Variants in CDKAL1 observed in about 807,000 individuals in gnomAD.
CDKAL1 encodes threonylcarbamoyladenosine tRNA methylthiotransferase.
A neutral mutation model predicts 68.2 loss-of-function variants in CDKAL1; 32 were observed. The ratio of observed to expected loss-of-function variants is 0.47; its 90% CI spans 0.35 to 0.63. The LOEUF (loss-of-function observed/expected upper bound fraction) is 0.63, where lower values mean the gene tolerates loss of function less well. CDKAL1 is among the 30% of genes least tolerant of loss of function. The pLI, the probability that CDKAL1 is intolerant of heterozygous loss-of-function variation, is 0.00. For missense variants in CDKAL1, 606 were observed against 696.7 expected, an observed-to-expected ratio of 0.87 and a Z score of 1.47; for synonymous variants, 234 against 244.3, an observed-to-expected ratio of 0.96 and a Z score of 0.39.
chr6:20,913,312 C>CA (rs1218936109), intron 9 of CDKAL1, among the ~76,000 whole-genome samples: 1 of 152,104 alleles, frequency 6.6e-6, no homozygotes, highest in Admixed American at 6.6e-5. Flanking sequence ...GATCTGCTTC[C>CA]AAAATCACTT....
Position 20,605,589 on chromosome 6 carries a change from A to G in CDKAL1, c.287-43704A>G, listed in dbSNP as rs147213441. Among the ~76,000 whole-genome samples, 10 of 152,136 alleles carry G rather than the reference A, an allele frequency of 6.6e-5. No individual in the cohort carries two copies. The East Asian group carries it at 1.7e-3, about 26-fold the overall frequency. On this transcript the variant is annotated intron_variant, in intron 4 of 15. Coordinates refer to ENST00000274695, the MANE Select transcript of CDKAL1 (RefSeq NM_017774.3). ...GGTTGCTGGATATTTTTGTGTTCTT[A>G]TAAATATTTTTGAGCTTTGTTCTGG...
chr6:20,619,826 A>C (rs1767095624), intron 4 of CDKAL1, among the ~76,000 whole-genome samples: 1 of 152,174 alleles, frequency 6.6e-6, no homozygotes, highest in African/African-American at 2.4e-5. Context: ...CATTTGATTA[A>C]ATTAAAATGA....
chr6:21,188,387 C>T (rs1176841097), intron 13 of CDKAL1, among the ~76,000 whole-genome samples: 2 of 152,132 alleles, frequency 1.3e-5, no homozygotes, highest in Non-Finnish European at 2.9e-5. Context: ...ATTTAAGATG[C>T]ACAACCTACT....
chr6:20,656,961 C>T (rs905969999), intron 5 of CDKAL1, among the ~76,000 whole-genome samples: 25 of 152,148 alleles, frequency 1.6e-4, no homozygotes, highest in Admixed American at 8.5e-4. Flanking sequence ...CTTAAACTAA[C>T]ATTTGATTTC....
intron 8 of CDKAL1, among the ~76,000 whole-genome samples, chr6:20,839,460 G>A (rs1410136748): frequency 6.6e-6 from 1 of 152,172 alleles, no homozygotes; most frequent in African/African-American, 2.4e-5. Flanking sequence ...CATTTTAAGT[G>A]TGTTGCTCTG....
intron 8 of CDKAL1, among the ~76,000 whole-genome samples, chr6:20,810,676 TA>T (rs34206478): frequency 0.34 from 48,779 of 142,466 alleles, 8,413 homozygotes; most frequent in East Asian, 0.38. Context: ...AATATATTGC[TA>T]AAAAAAAAAA....
chr6:20,643,562 A>T (rs556728365), intron 4 of CDKAL1, among the ~76,000 whole-genome samples: 17 of 152,274 alleles, frequency 1.1e-4, no homozygotes, highest in Non-Finnish European at 1.9e-4. Flanking sequence ...TAAGGGGGTA[A>T]GCCATGTGGA....
intron 8 of CDKAL1, among the ~76,000 whole-genome samples, chr6:20,813,796 GTATATCTCCCTTTACAC>G (rs1386262116): frequency 9.2e-5 from 14 of 152,058 alleles, no homozygotes; most frequent in Non-Finnish European, 1.5e-4. Context: ...CCATTGTTCT[GTATATCTCCCTTTACAC>G]TAGTTTCACA....
At chr6:20,969,973 G>A (rs1007008046) in intron 10 of CDKAL1, among the ~76,000 whole-genome samples, 2 of 135,934 alleles carry the variant, frequency 1.5e-5, no homozygotes, top group Non-Finnish European at 1.6e-5. Context: ...TTTGCTTATT[G>A]TTTGTCCCAG....
intron 9 of CDKAL1, among the ~76,000 whole-genome samples, chr6:20,865,424 G>A (rs1388034111): frequency 6.6e-6 from 1 of 152,056 alleles, no homozygotes; most frequent in Non-Finnish European, 1.5e-5. Context: ...CAGTTTCGTT[G>A]TCCATAGCTG....
intron 5 of CDKAL1, among the ~76,000 whole-genome samples, chr6:20,671,758 C>T (rs993447697): frequency 1.3e-5 from 2 of 151,652 alleles, no homozygotes; most frequent in Non-Finnish European, 2.9e-5. Context: ...GATGGGGTCT[C>T]GTTATATTGC....
At chr6:20,895,373 A>G (rs1437188886) in intron 9 of CDKAL1, among the ~76,000 whole-genome samples, 1 of 152,196 alleles carries the variant, frequency 6.6e-6, no homozygotes, top group Non-Finnish European at 1.5e-5. Context: ...TTACCTATAA[A>G]TGAAATTGTG....
At chr6:20,663,625 A>C (rs142524081) in intron 5 of CDKAL1, among the ~76,000 whole-genome samples, 1 of 152,140 alleles carries the variant, frequency 6.6e-6, no homozygotes, top group Non-Finnish European at 1.5e-5. Flanking sequence ...TGGGACTTAC[A>C]TATATTTTCT....
chr6:21,125,839 G>T (rs1305957643), intron 13 of CDKAL1, among the ~76,000 whole-genome samples: 1 of 152,178 alleles, frequency 6.6e-6, no homozygotes, highest in Non-Finnish European at 1.5e-5. Flanking sequence ...GCTCCTCTGG[G>T]GAGTTAGGTG....
intron 13 of CDKAL1, among the ~76,000 whole-genome samples, chr6:21,138,241 G>A (rs985980941): frequency 4.0e-5 from 6 of 151,836 alleles, no homozygotes; most frequent in East Asian, 3.9e-4. Context: ...GTGTGTCTGT[G>A]TGTGTGTGTG....
chr6:21,095,619 G>A (rs1037803102), intron 12 of CDKAL1, among the ~76,000 whole-genome samples: 4 of 119,090 alleles, frequency 3.4e-5, no homozygotes, highest in Admixed American at 1.1e-4. Flanking sequence ...CCCTCCTGCC[G>A]AAGGCTTGAC....
rs560578453 is a variant in CDKAL1 at position 20,592,928 on chromosome 6, A to G, written c.286+44223A>G. Among the ~76,000 whole-genome samples, 36 of 152,228 alleles carry G rather than the reference A, an allele frequency of 2.4e-4. 1 individual carries two copies. The South Asian group carries it at 4.4e-3, about 18-fold the overall frequency. On this transcript the variant is annotated intron_variant, in intron 4 of 15. Coordinates refer to ENST00000274695, the MANE Select transcript of CDKAL1 (RefSeq NM_017774.3). ...CTTTTCTGCATCTATTGAGATAATC[A>G]TGTGTTTTTTGTCATTGGTTCTGTT...
intron 5 of CDKAL1, among the ~76,000 whole-genome samples, chr6:20,729,197 C>T (rs1772791604): frequency 1.3e-5 from 2 of 152,082 alleles, no homozygotes; most frequent in Non-Finnish European, 2.9e-5. Flanking sequence ...GCAAGTTAGG[C>T]AGGTAGTTAG....
chr6:20,563,607 T>C (rs1764350410), intron 4 of CDKAL1, among the ~76,000 whole-genome samples: 3 of 151,788 alleles, frequency 2.0e-5, no homozygotes. Flanking sequence ...TCAAATTCCC[T>C]AGTCACTGGG....
Sources: gnomAD v4.1 joint callset for allele counts (sites outside exome capture counted in the v4.1 genomes callset) on GRCh38, gnomAD v4.1.1 for gene constraint, MANE v1.5 for transcripts, NCBI Gene and HGNC (gene_info 2026-07-23, HGNC 2026-07-21) for gene names.